The following MED6 variants were observed in gnomAD, a reference collection of about 807,000 sequenced individuals.
MED6 encodes the protein mediator complex subunit 6, also known as mediator of RNA polymerase II transcription subunit 6.
In MED6, 33 loss-of-function variants were observed where a neutral mutation model predicts 37.5. The observed-to-expected ratio is 0.88, with a 90% CI of 0.67 to 1.18. The LOEUF (loss-of-function observed/expected upper bound fraction) is 1.18, where lower values mean the gene tolerates loss of function less well. Among genes scored for constraint, MED6 ranks in the 50% most tolerant of loss-of-function variants. The pLI, the probability that MED6 is intolerant of heterozygous loss-of-function variation, is 0.00. For missense variants in MED6, 235 were observed against 290.6 expected (o/e 0.81, Z 1.39); for synonymous variants, 94 against 93.6 (o/e 1.00, Z -0.02).
At chr14:70,598,305 G>GA (rs978444407) in intron 1 of MED6, among the ~76,000 whole-genome samples, 15 of 151,318 alleles carry the variant, frequency 9.9e-5, no homozygotes, top group East Asian at 3.9e-4. Flanking sequence ...CTCAAAAAAA[G>GA]AAAAAAAACA....
At chr14:70,600,361 C>T (rs1026664083) in intron 1 of MED6, among the ~76,000 whole-genome samples, 1 of 151,792 alleles carries the variant, frequency 6.6e-6, no homozygotes, top group African/African-American at 2.4e-5. Flanking sequence ...AACAAAACTC[C>T]AGCTCTGAAA....
At position 70,583,890 on chromosome 14, in the gene MED6, G is replaced by C. The variant is rs1466764745; in HGVS notation, c.*923C>G. 1 of 395,620 alleles carries C rather than the reference G, an allele frequency of 2.5e-6. No homozygotes were observed. The highest frequency in any genetic ancestry group is 4.5e-6 in the Non-Finnish European group (1 of 224,356). 24.5% of individuals were successfully genotyped at this position (395,620 alleles called of 1,614,324 possible). On this transcript the variant is annotated 3_prime_UTR_variant, in exon 8 of 8. Coordinates refer to ENST00000256379, the MANE Select transcript of MED6 (RefSeq NM_005466.4). The stretch of plus-strand genomic sequence containing the variant: ...TAGGGACTTTGCAGACTTCCTACCA[G>C]CAAGAAGGCCCTCACCAGATGGAGC...
Position 70,584,289 on chromosome 14 carries a change from T to C in MED6, c.*524A>G. 1.6e-6 allele frequency: 1 copy of C among 615,064 alleles called. No homozygotes were observed. The highest frequency in any genetic ancestry group is 2.9e-6 in the Non-Finnish European group (1 of 344,004). 38.1% of individuals were successfully genotyped at this position (615,064 alleles called of 1,614,324 possible). Reference sequence around the variant, plus strand: ...TTAAACATATCTACCAGTAAACATGTGAGTGTGTAGGTTGCTCAAGTCCGG... The same window carrying C: ...TTAAACATATCTACCAGTAAACATGCGAGTGTGTAGGTTGCTCAAGTCCGG... On this transcript the variant is annotated 3_prime_UTR_variant, in exon 8 of 8. Transcript: ENST00000256379.
intron 3 of MED6, 103 bp from the exon 4 acceptor site, chr14:70,593,481 G>A (rs1884946600): frequency 1.1e-6 from 1 of 892,464 alleles, no homozygotes; most frequent in Non-Finnish European, 1.7e-6. Flanking sequence ...CCATAAGGCA[G>A]GGTTTAGCAA....
At chr14:70,598,063 G>A (rs181071451) in intron 1 of MED6, among the ~76,000 whole-genome samples, 2 of 152,280 alleles carry the variant, frequency 1.3e-5, no homozygotes, top group Admixed American at 1.3e-4. Context: ...AGGGGGCTGA[G>A]GTAGGTGGAT....
intron 1 of MED6, among the ~76,000 whole-genome samples, chr14:70,599,424 A>G (rs1566679313): frequency 6.6e-6 from 1 of 152,130 alleles, no homozygotes; most frequent in Non-Finnish European, 1.5e-5. Context: ...TCCTAATTCT[A>G]CCCTTGCCCT....
chr14:70,590,892 T>C (rs1254373638), intron 6 of MED6, among the ~76,000 whole-genome samples: 1 of 152,236 alleles, frequency 6.6e-6, no homozygotes, highest in East Asian at 1.9e-4. Context: ...TATTCTATCA[T>C]TTAGGTTGTT....
chr14:70,590,337 C>G (rs975965246), intron 6 of MED6, among the ~76,000 whole-genome samples: 1 of 152,200 alleles, frequency 6.6e-6, no homozygotes, highest in African/African-American at 2.4e-5. Flanking sequence ...ATTCAACAGA[C>G]TATGTTCCAT....
At chr14:70,600,437 C>G (rs1329700874) in intron 1 of MED6, among the ~76,000 whole-genome samples, 179 bp downstream of exon 1, 1 of 127,414 alleles carries the variant, frequency 7.8e-6, no homozygotes, top group Non-Finnish European at 1.6e-5. Flanking sequence ...TCCAAGAACT[C>G]AGAAAAAAAA....
At position 70,584,194 on chromosome 14, in the gene MED6, G is replaced by GA. The variant is rs759785356; in HGVS notation, c.*618dup. ...TCCTTTATGTCTTCAAAGTGCATCT[G>GA]AAAAATATCAGTTATGATGAAGAAA... On this transcript the variant is annotated 3_prime_UTR_variant, in exon 8 of 8. Coordinates refer to ENST00000256379, the MANE Select transcript of MED6 (RefSeq NM_005466.4). The GA allele has an allele frequency of 5.3e-6, 4 of 751,206 alleles. No homozygotes were observed. The South Asian group carries it at 5.5e-5, about 10-fold the overall frequency. 46.5% of individuals were successfully genotyped at this position (751,206 alleles called of 1,614,324 possible). A position where few individuals can be genotyped will look rare whatever the true frequency, so the allele number is the denominator to read the frequency against.
intron 6 of MED6, 65 bp downstream of exon 6, chr14:70,591,201 T>TA: frequency 8.1e-7 from 1 of 1,236,368 alleles, no homozygotes; most frequent in Non-Finnish European, 1.2e-6. Flanking sequence ...AGTTCTCAAT[T>TA]AAAAATTAAT....
chr14:70,585,071 G>GTTTCCCCAGGC (rs1329816525), intron 7 of MED6, 128 bp from the exon 8 acceptor site: 2 of 1,108,566 alleles, frequency 1.8e-6, no homozygotes, highest in Non-Finnish European at 2.6e-6. Flanking sequence ...AGATCTAGCT[G>GTTTCCCCAGGC]TTTCCCCAGG....
intron 2 of MED6, among the ~76,000 whole-genome samples, chr14:70,597,078 T>C (rs760210027): frequency 6.6e-6 from 1 of 152,188 alleles, no homozygotes; most frequent in Non-Finnish European, 1.5e-5. Flanking sequence ...GACACAACTA[T>C]ATATATTACC....
intron 6 of MED6, among the ~76,000 whole-genome samples, chr14:70,586,885 C>T (rs560713764): frequency 6.6e-6 from 1 of 152,312 alleles, no homozygotes; most frequent in South Asian, 2.1e-4. Context: ...CTTAGAAAGG[C>T]CTGCTTGCAA....
intron 5 of MED6, chr14:70,592,404 C>CA (rs1283645842): frequency 3.3e-5 from 5 of 151,564 alleles, no homozygotes; most frequent in African/African-American, 1.2e-4. Flanking sequence ...TTCCAGATAC[C>CA]AAGATAACTC....
chr14:70,590,700 A>G (rs1300534190), intron 6 of MED6, among the ~76,000 whole-genome samples: 1 of 152,216 alleles, frequency 6.6e-6, no homozygotes, highest in Non-Finnish European at 1.5e-5. Flanking sequence ...ATTTAGTAGA[A>G]TGGCAGGTGG....
intron 4 of MED6, 92 bp from the exon 5 acceptor site, chr14:70,593,080 G>A: frequency 6.5e-7 from 1 of 1,536,866 alleles, no homozygotes; most frequent in Non-Finnish European, 8.9e-7. Context: ...TGCAAAGACA[G>A]AACCTATTTT....
intron 3 of MED6, chr14:70,594,717 A>C: frequency 4.3e-6 from 2 of 463,800 alleles, no homozygotes; most frequent in Middle Eastern, 7.5e-4. Flanking sequence ...TTTCCAGGGC[A>C]GCTTGGGGTA....
intron 6 of MED6, 128 bp from the exon 7 acceptor site, chr14:70,585,911 A>T: frequency 1.5e-6 from 1 of 669,996 alleles, no homozygotes. Flanking sequence ...TACATTTCAA[A>T]TGACTTTGTG....
Sources: gnomAD v4.1 joint callset for allele counts (sites outside exome capture counted in the v4.1 genomes callset) on GRCh38, gnomAD v4.1.1 for gene constraint, MANE v1.5 for transcripts, NCBI Gene and HGNC (gene_info 2026-07-23, HGNC 2026-07-21) for gene names.